HERC4: variants seen among roughly 807,000 people sequenced by gnomAD.
HERC4 encodes HECT and RLD domain containing E3 ubiquitin protein ligase 4.
Under a neutral mutation model 124.3 loss-of-function variants are expected in HERC4, and 28 were observed. The observed-to-expected ratio is 0.23, with a 90% CI of 0.17 to 0.31. The LOEUF (loss-of-function observed/expected upper bound fraction) is 0.31, where lower values mean the gene tolerates loss of function less well. Ranked by LOEUF, HERC4 falls within the 10% of genes least tolerant of loss-of-function variation. The probability of loss-of-function intolerance (pLI) is 1.00; values close to 1 mark genes in which losing one functional copy is unlikely to be tolerated. For synonymous variants in HERC4, 407 were observed against 421.5 expected, an observed-to-expected ratio of 0.97 and a Z score of 0.42; for missense variants, 713 against 1,229.3, an observed-to-expected ratio of 0.58 and a Z score of 6.28.
At position 67,988,849 on chromosome 10, in the gene HERC4, G is replaced by A. The variant is rs753301580; in HGVS notation, c.1634-14C>T. On this transcript the variant is annotated splice_polypyrimidine_tract_variant and intron_variant, in intron 14 of 24. Transcript: ENST00000373700. Reference sequence around the variant, plus strand: ...ACCACCAGTTTTCTGTTATTAAAAAGTGAACATGCAAATAAAATGAATTTT... The same window carrying A: ...ACCACCAGTTTTCTGTTATTAAAAAATGAACATGCAAATAAAATGAATTTT... 1 of 1,562,796 alleles carries A rather than the reference G, an allele frequency of 6.4e-7. No individual in the cohort carries two copies. Among genetic ancestry groups the A allele is most frequent in the African/African-American group, 1.4e-5 (1 of 72,172 alleles).
chr10:67,923,318 C>A (rs555974596), intron 24 of HERC4, among the ~76,000 whole-genome samples, 179 bp from the exon 25 acceptor site: 15 of 152,274 alleles, frequency 9.9e-5, no homozygotes, highest in Admixed American at 5.2e-4. Flanking sequence ...CTCATCCACA[C>A]AATATTTTTT....
At chr10:68,053,535 C>A (rs1384254112) in intron 3 of HERC4, among the ~76,000 whole-genome samples, 3 of 152,094 alleles carry the variant, frequency 2.0e-5, no homozygotes, top group Non-Finnish European at 4.4e-5. Context: ...AACTCCTGGA[C>A]TCACGTAATC....
At chr10:67,947,125 T>C (rs974727083) in intron 19 of HERC4, among the ~76,000 whole-genome samples, 1 of 152,142 alleles carries the variant, frequency 6.6e-6, no homozygotes, top group Non-Finnish European at 1.5e-5. Context: ...ACCAAATGGA[T>C]TTAACAGATA....
At chr10:67,985,563 T>C (rs1027407659) in intron 15 of HERC4, among the ~76,000 whole-genome samples, 1 of 152,220 alleles carries the variant, frequency 6.6e-6, no homozygotes, top group Non-Finnish European at 1.5e-5. Flanking sequence ...CATAAAATAG[T>C]TTGAAAATCA....
At chr10:67,952,824 T>C (rs2033889906) in intron 19 of HERC4, among the ~76,000 whole-genome samples, 1 of 150,464 alleles carries the variant, frequency 6.6e-6, no homozygotes, top group African/African-American at 2.4e-5. Context: ...GGCATGAACC[T>C]GGGAGGCAGA....
At chr10:67,979,684 C>T (rs1589236902) in intron 15 of HERC4, among the ~76,000 whole-genome samples, 1 of 152,178 alleles carries the variant, frequency 6.6e-6, no homozygotes. Context: ...AACCAAGGAT[C>T]CTGAAAACAG....
chr10:67,980,122 T>A (rs2035840023), intron 15 of HERC4, among the ~76,000 whole-genome samples: 1 of 152,066 alleles, frequency 6.6e-6, no homozygotes, highest in African/African-American at 2.4e-5. Context: ...GATAAATACT[T>A]TTTTTTGAGA....
intron 9 of HERC4, among the ~76,000 whole-genome samples, chr10:68,006,074 C>T (rs1318665623): frequency 6.6e-6 from 1 of 152,186 alleles, no homozygotes; most frequent in Non-Finnish European, 1.5e-5. Flanking sequence ...TACACTTTAT[C>T]ATCTTTTCCC....
At chr10:68,001,951 A>C (rs1479617584) in intron 9 of HERC4, among the ~76,000 whole-genome samples, 1 of 152,108 alleles carries the variant, frequency 6.6e-6, no homozygotes, top group African/African-American at 2.4e-5. Flanking sequence ...TCACTCATTC[A>C]TCTGCTGATG....
At chr10:68,014,825 C>T (rs1217191179) in intron 8 of HERC4, among the ~76,000 whole-genome samples, 1 of 152,122 alleles carries the variant, frequency 6.6e-6, no homozygotes, top group African/African-American at 2.4e-5. Context: ...GAAAAAGTCT[C>T]CTTAGGCAAG....
At chr10:68,052,669 ATAT>A (rs905148745) in intron 3 of HERC4, among the ~76,000 whole-genome samples, 22 of 152,344 alleles carry the variant, frequency 1.4e-4, no homozygotes, top group African/African-American at 4.8e-4. Flanking sequence ...GACCTCAGAA[ATAT>A]TATCAATTAA....
At chr10:67,972,425 A>G (rs956717482) in intron 15 of HERC4, among the ~76,000 whole-genome samples, 5 of 149,866 alleles carry the variant, frequency 3.3e-5, no homozygotes, top group Non-Finnish European at 7.4e-5. Context: ...GGAGGCTGAG[A>G]CAGAAGAATC....
intron 15 of HERC4, among the ~76,000 whole-genome samples, chr10:67,988,419 T>C (rs957951971): frequency 2.0e-5 from 3 of 152,088 alleles, no homozygotes; most frequent in Non-Finnish European, 4.4e-5. Flanking sequence ...CATTAGTATG[T>C]TATTGTTCTG....
At chr10:68,035,324 T>A (rs993360005) in intron 5 of HERC4, among the ~76,000 whole-genome samples, 1 of 152,026 alleles carries the variant, frequency 6.6e-6, no homozygotes, top group Non-Finnish European at 1.5e-5. Flanking sequence ...GGCTAATTTT[T>A]AAAAAATATT....
chr10:68,000,435 T>A (rs766593740), intron 9 of HERC4, among the ~76,000 whole-genome samples: 5 of 151,958 alleles, frequency 3.3e-5, no homozygotes, highest in South Asian at 4.2e-4. Flanking sequence ...AAAAGTTAAC[T>A]GGGTGTGGTG....
chr10:68,038,010 G>A (rs1042190877), intron 5 of HERC4, 83 bp downstream of exon 5: 4 of 753,290 alleles, frequency 5.3e-6, no homozygotes, highest in Non-Finnish European at 2.2e-6. Flanking sequence ...AGAAAGATGA[G>A]CAAAGCTGGA....
intron 4 of HERC4, among the ~76,000 whole-genome samples, chr10:68,040,771 C>T (rs1001369934): frequency 1.3e-5 from 2 of 151,766 alleles, no homozygotes; most frequent in South Asian, 2.1e-4. Flanking sequence ...CGCCTGTAGT[C>T]CCAGCTACTT....
intron 3 of HERC4, among the ~76,000 whole-genome samples, chr10:68,049,358 C>T (rs1200306451): frequency 6.6e-6 from 1 of 151,948 alleles, no homozygotes; most frequent in Non-Finnish European, 1.5e-5. Context: ...ATTTTATCTA[C>T]ATTTTTAAAA....
chr10:67,990,000 A>C (rs2036466410), intron 14 of HERC4, among the ~76,000 whole-genome samples: 1 of 152,056 alleles, frequency 6.6e-6, no homozygotes, highest in Admixed American at 6.6e-5. Flanking sequence ...TGTTTAATTG[A>C]ACTTCTATAT....
Sources: allele counts gnomAD v4.1 joint callset (sites outside exome capture counted in the v4.1 genomes callset), GRCh38; gene constraint gnomAD v4.1.1; transcripts MANE v1.5; gene names NCBI Gene and HGNC (gene_info 2026-07-23, HGNC 2026-07-21).